The following HEATR5B variants were observed in gnomAD, a reference collection of about 807,000 sequenced individuals.
HEATR5B encodes the protein HEAT repeat-containing protein 5B.
A neutral mutation model predicts 224.1 loss-of-function variants in HEATR5B; 156 were observed. That is an observed-to-expected ratio of 0.70 (90% CI 0.61 to 0.80). The LOEUF is 0.80. Ranked by LOEUF, HEATR5B falls within the 30% of genes least tolerant of loss-of-function variation. The pLI is 0.00. For synonymous variants in HEATR5B, 1,027 were observed against 893.0 expected, an observed-to-expected ratio of 1.15 and a Z score of -2.68; for missense variants, 2,323 against 2,535.5, an observed-to-expected ratio of 0.92 and a Z score of 1.80.
At chr2:37,025,811 A>T (rs1668733952) in intron 24 of HEATR5B, among the ~76,000 whole-genome samples, 1 of 152,242 alleles carries the variant, frequency 6.6e-6, no homozygotes, top group South Asian at 2.1e-4. Flanking sequence ...ATGCACACTT[A>T]TGATTCCTTG....
chr2:37,009,157 C>G (rs1183152276), intron 27 of HEATR5B, among the ~76,000 whole-genome samples: 2 of 146,380 alleles, frequency 1.4e-5, no homozygotes, highest in Non-Finnish European at 3.0e-5. Flanking sequence ...ACTCCAGAGG[C>G]TGAGGCAGGG....
chr2:37,000,900 T>C (rs1667049905), intron 32 of HEATR5B, 87 bp from the exon 33 acceptor site: 4 of 886,704 alleles, frequency 4.5e-6, no homozygotes, highest in East Asian at 2.6e-5. Context: ...TTGCATTTGA[T>C]TGTGGTTTAA....
In HEATR5B at chr2:37,032,694, G is replaced by A. The variant is rs777821283; in HGVS notation, c.3296C>T (p.Ala1099Val). The stretch of plus-strand genomic sequence containing the variant: ...GCTCATGGCATATTCACATACTTCC[G>A]CTGCTTCTCTTTGTGCAAGTTGCCG... ...CLRQLAQREA[A>V]EVCEYAMSLA... Residue 1099 changes from alanine (A) to valine (V), a missense_variant, in exon 22 of 36, where the codon GCG (alanine) becomes GTG (valine). Ala to Val is a moderately conservative substitution (Grantham distance 64). This residue lies in a region of HEATR5B where 339 missense variants were observed against 378.4 expected (regional missense o/e 0.90). Transcript: ENST00000233099. The A allele has an allele frequency of 5.6e-6, 9 of 1,613,862 alleles. No homozygotes were observed. The highest frequency in any genetic ancestry group is 1.6e-4 in the Middle Eastern group (1 of 6,062).
chr2:37,017,137 T>C (rs1668165845), intron 26 of HEATR5B, among the ~76,000 whole-genome samples: 1 of 152,106 alleles, frequency 6.6e-6, no homozygotes, highest in Non-Finnish European at 1.5e-5. Flanking sequence ...CATTAAAGAA[T>C]CAGAAACTAG....
In HEATR5B at chr2:37,068,695, T is replaced by G. The variant is rs1328428595; in HGVS notation, c.1163A>C (p.Gln388Pro). The change falls in exon 8 of 36, where the codon CAA (glutamine) becomes CCA (proline). Residue 388 changes from glutamine to proline, a missense_variant. Gln to Pro is a moderately conservative substitution (Grantham distance 76). This residue lies in a region of HEATR5B where 502 missense variants were observed against 517.8 expected (regional missense o/e 0.97). Coordinates refer to ENST00000233099, the MANE Select transcript of HEATR5B (RefSeq NM_019024.3). The part of the protein sequence containing the change: ...AKEICQAIGK[Q>P]MKAVEAVVND... ...CTGATTCTTACCTACGGCTTTCATT[T>G]GTTTTCCAATAGCTTGGCAGATTTC... is the stretch of plus-strand genomic sequence containing the variant. The G allele has an allele frequency of 6.2e-7, 1 of 1,614,168 alleles. No homozygotes were observed.
intron 22 of HEATR5B, among the ~76,000 whole-genome samples, chr2:37,032,180 T>A (rs951961999): frequency 1.3e-5 from 2 of 152,240 alleles, no homozygotes; most frequent in Admixed American, 1.3e-4. Context: ...AATATTCTGA[T>A]ACTAAATACT....
chr2:36,999,121 G>C (rs1268869055), intron 33 of HEATR5B, among the ~76,000 whole-genome samples: 1 of 152,056 alleles, frequency 6.6e-6, no homozygotes, highest in Non-Finnish European at 1.5e-5. Context: ...GCTGAGGCAG[G>C]AGAATTGCTT....
intron 33 of HEATR5B, among the ~76,000 whole-genome samples, chr2:36,994,517 A>G (rs1666555330): frequency 1.3e-5 from 2 of 152,214 alleles, no homozygotes. Flanking sequence ...ATATACAAAT[A>G]TACAAATATG....
chr2:37,040,569 C>T (rs764990277), intron 19 of HEATR5B, 51 bp from the exon 20 acceptor site: 1 of 1,395,142 alleles, frequency 7.2e-7, no homozygotes, highest in Non-Finnish European at 1.0e-6. Context: ...TTCGAATGTA[C>T]TGAATTGAGT....
At chr2:37,009,772 C>T (rs2691120) in intron 27 of HEATR5B, among the ~76,000 whole-genome samples, 1 of 150,854 alleles carries the variant, frequency 6.6e-6, no homozygotes, top group Admixed American at 6.6e-5. Flanking sequence ...AAGCACCCCC[C>T]GCCTCCACTT....
intron 18 of HEATR5B, among the ~76,000 whole-genome samples, chr2:37,041,861 C>G (rs756031910): frequency 6.6e-6 from 1 of 151,190 alleles, no homozygotes; most frequent in Non-Finnish European, 1.5e-5. Flanking sequence ...ATTAATTATT[C>G]CTTGAAAAGC....
intron 33 of HEATR5B, among the ~76,000 whole-genome samples, chr2:36,996,336 G>A (rs182144892): frequency 6.6e-6 from 1 of 152,148 alleles, no homozygotes; most frequent in East Asian, 1.9e-4. Context: ...TGGGATTACA[G>A]GCGTGAGCCA....
chr2:37,030,297 CAAGAA>C (rs1013181749), intron 22 of HEATR5B, among the ~76,000 whole-genome samples: 1 of 151,948 alleles, frequency 6.6e-6, no homozygotes, highest in Non-Finnish European at 1.5e-5. Flanking sequence ...GAAAGGGTTC[CAAGAA>C]AAGAGAACAC....
intron 22 of HEATR5B, among the ~76,000 whole-genome samples, chr2:37,032,216 AT>A (rs924212991): frequency 6.6e-6 from 1 of 152,052 alleles, no homozygotes; most frequent in Non-Finnish European, 1.5e-5. Context: ...GCTGCAAATA[AT>A]TTTTTTTAAA....
At chr2:36,998,981 G>A (rs542144613) in intron 33 of HEATR5B, among the ~76,000 whole-genome samples, 14 of 152,210 alleles carry the variant, frequency 9.2e-5, no homozygotes, top group South Asian at 6.2e-4. Context: ...TTGGGAGGCC[G>A]AGGCAGGAGG....
chr2:37,044,545 T>C (rs578235204), intron 18 of HEATR5B, among the ~76,000 whole-genome samples: 1 of 152,330 alleles, frequency 6.6e-6, no homozygotes, highest in African/African-American at 2.4e-5. Flanking sequence ...TTTTTGGCTC[T>C]CATAAATAAA....
chr2:36,990,691 C>A lies in HEATR5B; in HGVS notation c.5654G>T (p.Cys1885Phe). 1 of 1,609,366 alleles carries A rather than the reference C, an allele frequency of 6.2e-7. No individual in the cohort carries two copies. The highest frequency in any genetic ancestry group is 8.5e-7 in the Non-Finnish European group (1 of 1,177,702). ...IIGVQSLQNGCMNRFKNALNS... is the reference protein window; with the variant it reads ...IIGVQSLQNGFMNRFKNALNS... ...TAATGCATTTTTAAATCTGTTCATGCAGCCATTCTGTAATGACTGGACTCC... is the reference window on the plus strand; with the variant it reads ...TAATGCATTTTTAAATCTGTTCATGAAGCCATTCTGTAATGACTGGACTCC... The change falls in exon 34 of 36, where the codon TGC becomes TTC. Residue 1885 changes from cysteine (C) to phenylalanine (F), a missense_variant. This residue lies in a region of HEATR5B where 844 missense variants were observed against 812.9 expected (regional missense o/e 1.04). Coordinates refer to ENST00000233099, the MANE Select transcript of HEATR5B (RefSeq NM_019024.3).
At chr2:37,036,409 G>C (rs1030517951) in intron 21 of HEATR5B, among the ~76,000 whole-genome samples, 1 of 152,072 alleles carries the variant, frequency 6.6e-6, no homozygotes, top group African/African-American at 2.4e-5. Context: ...TTAGGGCCTT[G>C]CATGTATTTT....
intron 33 of HEATR5B, among the ~76,000 whole-genome samples, chr2:36,995,476 C>T (rs1373536065): frequency 2.0e-5 from 3 of 152,034 alleles, no homozygotes; most frequent in Non-Finnish European, 2.9e-5. Context: ...AAACAAAATA[C>T]CAGCTCTTGA....
Sources: allele counts gnomAD v4.1 joint callset (sites outside exome capture counted in the v4.1 genomes callset), GRCh38; gene constraint gnomAD v4.1.1; regional missense constraint gnomAD v4.1.1; transcripts MANE v1.5; gene names NCBI Gene and HGNC (gene_info 2026-07-23, HGNC 2026-07-21).